Variants in CA8 observed in about 807,000 individuals in gnomAD.
CA8 encodes the protein carbonic anhydrase-related protein.
In CA8, 22 loss-of-function variants were observed where a neutral mutation model predicts 41.4. The observed-to-expected ratio is 0.53, with a 90% CI of 0.38 to 0.76. The LOEUF (loss-of-function observed/expected upper bound fraction) is 0.76, where lower values mean the gene tolerates loss of function less well. Among genes scored for constraint, CA8 ranks in the 30% least tolerant of loss-of-function variants. The probability of loss-of-function intolerance (pLI) is 0.00; values close to 1 mark genes in which losing one functional copy is unlikely to be tolerated. For missense variants in CA8, 270 were observed against 352.8 expected, an observed-to-expected ratio of 0.77 and a Z score of 1.88; for synonymous variants, 121 against 130.6, an observed-to-expected ratio of 0.93 and a Z score of 0.50.
chr8:60,276,307 G>A (rs1804234109), intron 2 of CA8, among the ~76,000 whole-genome samples: 2 of 152,146 alleles, frequency 1.3e-5, no homozygotes, highest in Admixed American at 1.3e-4. Context: ...GAGGCTGTTA[G>A]GAGAGGCCTG....
intron 8 of CA8, among the ~76,000 whole-genome samples, chr8:60,195,852 G>C (rs1806265465): frequency 6.6e-6 from 1 of 152,122 alleles, no homozygotes; most frequent in Non-Finnish European, 1.5e-5. Flanking sequence ...ACTCATGACA[G>C]CATCGGGTCA....
chr8:60,269,701 AGC>A (rs1804008034), intron 2 of CA8, among the ~76,000 whole-genome samples: 1 of 152,248 alleles, frequency 6.6e-6, no homozygotes, highest in Non-Finnish European at 1.5e-5. Flanking sequence ...TTGACTTCAA[AGC>A]TAAGTTTTGA....
chr8:60,194,474 T>C (rs1396774888), intron 8 of CA8, among the ~76,000 whole-genome samples: 1 of 152,114 alleles, frequency 6.6e-6, no homozygotes, highest in Non-Finnish European at 1.5e-5. Context: ...TTTCTGCCAG[T>C]GTATGGGAGG....
In CA8 at chr8:60,279,726, A is replaced by G. The variant is rs780227062; in HGVS notation, c.255T>C (p.Asp85=). 6.2e-7 allele frequency: 1 copy of G among 1,614,168 alleles called. No homozygotes were observed. The highest frequency in any genetic ancestry group is 1.1e-5 in the South Asian group (1 of 91,080). ...VVCRDCEVTN[D]GHTIQVILKS... Reference sequence around the variant, plus strand: ...TCAGGATAACCTGAATGGTATGTCCATCATTGGTGACTTCACAGTCTCGGC... The same window carrying G: ...TCAGGATAACCTGAATGGTATGTCCGTCATTGGTGACTTCACAGTCTCGGC... The change falls in exon 2 of 9, where the codon GAT becomes GAC. Residue 85 remains aspartate, a synonymous_variant. Coordinates refer to ENST00000317995, the MANE Select transcript of CA8 (RefSeq NM_004056.6).
intron 1 of CA8, 90 bp downstream of exon 1, chr8:60,280,958 C>T: frequency 1.1e-6 from 1 of 914,216 alleles, no homozygotes; most frequent in Non-Finnish European, 1.8e-6. Flanking sequence ...GTGCTCGGAG[C>T]GCGCAGCGGC....
intron 3 of CA8, among the ~76,000 whole-genome samples, chr8:60,245,230 A>C (rs1808187076): frequency 6.6e-6 from 1 of 152,120 alleles, no homozygotes; most frequent in Non-Finnish European, 1.5e-5. Flanking sequence ...TTGATGGGCT[A>C]AAAAAACAAA....
At chr8:60,213,444 T>C (rs1585858910) in intron 7 of CA8, among the ~76,000 whole-genome samples, 1 of 152,142 alleles carries the variant, frequency 6.6e-6, no homozygotes, top group African/African-American at 2.4e-5. Flanking sequence ...TATAAAAATC[T>C]CTACAAGCAA....
intron 8 of CA8, among the ~76,000 whole-genome samples, chr8:60,197,809 T>C (rs1355409078): frequency 2.0e-5 from 3 of 152,178 alleles, no homozygotes; most frequent in Admixed American, 2.0e-4. Context: ...TGACCTTTGC[T>C]ACAGCAGTTT....
chr8:60,268,152 A>G (rs1410676882), intron 2 of CA8, among the ~76,000 whole-genome samples: 1 of 152,188 alleles, frequency 6.6e-6, no homozygotes, highest in Non-Finnish European at 1.5e-5. Context: ...TCCACTTCTA[A>G]AACAAAGTGA....
At position 60,203,535 on chromosome 8, in the gene CA8, C is replaced by G. The variant is rs143823953; in HGVS notation, c.*35+5215G>C. The stretch of plus-strand genomic sequence containing the variant: ...TCTCAGTATAAATCCTATTTTGATT[C>G]TATTTTCCCTCTATTTTTAAGATTT... On this transcript the variant is annotated intron_variant, in intron 8 of 8. Coordinates refer to ENST00000317995, the MANE Select transcript of CA8 (RefSeq NM_004056.6). Among the ~76,000 whole-genome samples, 1,130 of 152,142 alleles carry G rather than the reference C, an allele frequency of 7.4e-3. 17 individuals carry two copies. Among genetic ancestry groups the G allele is most frequent in the African/African-American group, 0.026 (1,068 of 41,496 alleles).
At chr8:60,276,884 C>T (rs990011326) in intron 2 of CA8, among the ~76,000 whole-genome samples, 2 of 151,962 alleles carry the variant, frequency 1.3e-5, no homozygotes, top group African/African-American at 4.8e-5. Flanking sequence ...TTTGGGAGGC[C>T]GAGGTGGGCG....
At chr8:60,243,402 T>C (rs1174129893) in intron 3 of CA8, among the ~76,000 whole-genome samples, 3 of 150,442 alleles carry the variant, frequency 2.0e-5, no homozygotes, top group African/African-American at 7.4e-5. Context: ...CTCAACACCA[T>C]TTAATATGCA....
intron 8 of CA8, among the ~76,000 whole-genome samples, chr8:60,190,940 A>C (rs1264653705): frequency 2.4e-4 from 12 of 49,584 alleles, no homozygotes; most frequent in Non-Finnish European, 4.9e-4. Flanking sequence ...CACACACACT[A>C]TATATATATA....
chr8:60,257,935 AAC>A (rs1454402627), intron 3 of CA8, among the ~76,000 whole-genome samples: 1 of 152,238 alleles, frequency 6.6e-6, no homozygotes, highest in African/African-American at 2.4e-5. Context: ...ATGTTACAGT[AAC>A]ACAGTTTTGC....
At chr8:60,242,620 C>A (rs557026227) in intron 3 of CA8, among the ~76,000 whole-genome samples, 29 of 152,186 alleles carry the variant, frequency 1.9e-4, no homozygotes, top group Non-Finnish European at 3.7e-4. Flanking sequence ...ATGCCAGCCA[C>A]ACACCTGGTG....
Position 60,274,078 on chromosome 8 carries a change from A to G in CA8, c.292+5611T>C, listed in dbSNP as rs118054510. On this transcript the variant is annotated intron_variant, in intron 2 of 8. Coordinates refer to ENST00000317995, the MANE Select transcript of CA8 (RefSeq NM_004056.6). Reference sequence around the variant, plus strand: ...AATAACTGAGGCCAAAGACAGCCTCAGGGAGGGCTGAGGTTTTAGCACAGT... The same window carrying G: ...AATAACTGAGGCCAAAGACAGCCTCGGGGAGGGCTGAGGTTTTAGCACAGT... Among the ~76,000 whole-genome samples the G allele has an allele frequency of 3.2e-3, 486 of 152,366 alleles. 1 individual carries two copies. Among genetic ancestry groups the G allele is most frequent in the Non-Finnish European group, 5.0e-3 (341 of 68,032 alleles).
At chr8:60,212,127 T>C (rs1309716155) in intron 7 of CA8, among the ~76,000 whole-genome samples, 1 of 152,226 alleles carries the variant, frequency 6.6e-6, no homozygotes, top group Non-Finnish European at 1.5e-5. Flanking sequence ...CTGAAGGTAC[T>C]AGATTCAACA....
At chr8:60,199,103 C>T (rs944310287) in intron 8 of CA8, among the ~76,000 whole-genome samples, 38 of 152,108 alleles carry the variant, frequency 2.5e-4, no homozygotes, top group African/African-American at 8.7e-4. Flanking sequence ...GCTTCAAATA[C>T]AACCAGTTAT....
At chr8:60,224,420 T>G in intron 6 of CA8, 117 bp downstream of exon 6, 1 of 708,344 alleles carries the variant, frequency 1.4e-6, no homozygotes, top group Non-Finnish European at 2.5e-6. Context: ...CTAAACAGAA[T>G]ACAAATTGCA....
Sources: allele counts gnomAD v4.1 joint callset (sites outside exome capture counted in the v4.1 genomes callset), GRCh38; gene constraint gnomAD v4.1.1; transcripts MANE v1.5; gene names NCBI Gene and HGNC (gene_info 2026-07-23, HGNC 2026-07-21).